The following RABGAP1 variants were observed in gnomAD, a reference collection of about 807,000 sequenced individuals.
RABGAP1 encodes RAB GTPase activating protein 1.
A neutral mutation model predicts 137.6 loss-of-function variants in RABGAP1; 23 were observed. The ratio of observed to expected loss-of-function variants is 0.17; its 90% CI spans 0.12 to 0.24. The LOEUF is 0.24. Ranked by LOEUF, RABGAP1 falls within the 10% of genes least tolerant of loss-of-function variation. The pLI, the probability that RABGAP1 is intolerant of heterozygous loss-of-function variation, is 1.00. For missense variants in RABGAP1, 906 were observed against 1,275.8 expected, an observed-to-expected ratio of 0.71 and a Z score of 4.42; for synonymous variants, 451 against 450.7, an observed-to-expected ratio of 1.00 and a Z score of -0.01.
intron 10 of RABGAP1, among the ~76,000 whole-genome samples, chr9:122,999,678 C>G (rs540024251): frequency 2.0e-5 from 3 of 151,240 alleles, no homozygotes; most frequent in South Asian, 2.1e-4. Flanking sequence ...GGGGTTCTTG[C>G]GTTTTTAAAT....
rs749803732 is a variant in RABGAP1, at chr9:122,984,498, G to C, written c.164G>C (p.Gly55Ala). Reference protein sequence around the residue: ...EKTGLKIVGNGSEQQLQKELA... With the variant: ...EKTGLKIVGNASEQQLQKELA... ...TGTGACCCTTAGATTGTAGGGAATG[G>C]AAGTGAACAGCAGCTGCAAAAAGAG... The change falls in exon 3 of 26, where the codon GGA becomes GCA. Residue 55 changes from glycine (G) to alanine (A), a missense_variant. This residue lies in a region of RABGAP1 where 331 missense variants were observed against 358.3 expected (regional missense o/e 0.92). Transcript: ENST00000373647. 1 of 1,613,850 alleles carries C rather than the reference G, an allele frequency of 6.2e-7. No homozygotes were observed. The highest frequency in any genetic ancestry group is 8.5e-7 in the Non-Finnish European group (1 of 1,179,882).
At chr9:122,965,041 C>A (rs914526269) in intron 2 of RABGAP1, among the ~76,000 whole-genome samples, 3 of 151,928 alleles carry the variant, frequency 2.0e-5, no homozygotes, top group Non-Finnish European at 2.9e-5. Context: ...ACAACAACAA[C>A]AAAAATGCAA....
intron 13 of RABGAP1, among the ~76,000 whole-genome samples, chr9:123,026,399 T>C (rs541205995): frequency 6.6e-6 from 1 of 152,314 alleles, no homozygotes; most frequent in African/African-American, 2.4e-5. Flanking sequence ...GTTACTGAAT[T>C]TTATCAGCTT....
chr9:122,995,566 A>ATTTTTTTT (rs34683455), intron 6 of RABGAP1, among the ~76,000 whole-genome samples: 2 of 118,468 alleles, frequency 1.7e-5, no homozygotes, highest in East Asian at 2.4e-4. Context: ...ATATCAAATG[A>ATTTTTTTT]TTTTTTTTTT....
rs772579315 is a variant in RABGAP1, at chr9:122,984,608, G to A, written c.274G>A (p.Gly92Arg). 17 of 1,614,184 alleles carry A rather than the reference G, an allele frequency of 1.1e-5. No homozygotes were observed. The East Asian group carries it at 3.8e-4, about 36-fold the overall frequency. Residue 92 changes from glycine (G) to arginine (R), a missense_variant, in exon 3 of 26, where the codon GGA (glycine) becomes AGA (arginine). Transcript: ENST00000373647. ...GAAAAGGTCACAACTGGATGGTGAA[G>A]GAGATGGGCCTCTTTCTAATCAGCT... ...LVKRSQLDGE[G>R]DGPLSNQLSA...
At chr9:123,077,772 C>T (rs2034569025) in intron 19 of RABGAP1, among the ~76,000 whole-genome samples, 1 of 151,894 alleles carries the variant, frequency 6.6e-6, no homozygotes, top group Non-Finnish European at 1.5e-5. Context: ...AGTCACAGCT[C>T]ACTGTAGCCT....
intron 3 of RABGAP1, 89 bp downstream of exon 3, chr9:122,984,808 G>GC: frequency 1.7e-6 from 2 of 1,203,724 alleles, no homozygotes. Flanking sequence ...TTTAGAACAG[G>GC]CAAAACCATT....
intron 21 of RABGAP1, 125 bp downstream of exon 21, chr9:123,090,510 ACTTG>A (rs909192900): frequency 1.4e-6 from 1 of 718,462 alleles, no homozygotes; most frequent in Non-Finnish European, 2.2e-6. Context: ...TTGTGATACA[ACTTG>A]CTTGTCAGTG....
chr9:122,984,236 T>C (rs1415608734), intron 2 of RABGAP1, among the ~76,000 whole-genome samples: 2 of 152,246 alleles, frequency 1.3e-5, no homozygotes, highest in South Asian at 4.1e-4. Context: ...TGGCAGGCTA[T>C]CGCATATATT....
chr9:123,024,460 G>A (rs545273374), intron 13 of RABGAP1, among the ~76,000 whole-genome samples: 250 of 148,648 alleles, frequency 1.7e-3, no homozygotes, highest in African/African-American at 5.5e-3. Flanking sequence ...TTTTGAGACA[G>A]AGTCTTGCTC....
chr9:123,033,530 G>C (rs1444061933), intron 13 of RABGAP1: 1 of 152,236 alleles, frequency 6.6e-6, no homozygotes, highest in African/African-American at 2.4e-5. Flanking sequence ...AAAGATGCCA[G>C]AGTGTGTGCA....
upstream of RABGAP1, chr9:122,940,436 T>C (rs1324940527): frequency 6.6e-6 from 1 of 152,208 alleles, no homozygotes; most frequent in Non-Finnish European, 1.5e-5. Context: ...TTTTGACTTC[T>C]AGACTGGATT....
intron 13 of RABGAP1, among the ~76,000 whole-genome samples, chr9:123,060,044 C>T (rs145426009): frequency 6.6e-6 from 1 of 152,274 alleles, no homozygotes; most frequent in East Asian, 1.9e-4. Context: ...TAGCTAGAAT[C>T]AGAAACAAGG....
At chr9:123,040,278 G>A (rs1334781776) in intron 13 of RABGAP1, among the ~76,000 whole-genome samples, 3 of 152,180 alleles carry the variant, frequency 2.0e-5, no homozygotes, top group Non-Finnish European at 4.4e-5. Flanking sequence ...TGATGCTGGT[G>A]TATAAAATCA....
chr9:123,012,643 A>C (rs2030902961), intron 11 of RABGAP1, among the ~76,000 whole-genome samples: 1 of 152,214 alleles, frequency 6.6e-6, no homozygotes, highest in African/African-American at 2.4e-5. Flanking sequence ...CCTTGGGGGA[A>C]ATCATGGAAC....
chr9:123,101,187 C>T (rs1299875471), intron 24 of RABGAP1, among the ~76,000 whole-genome samples: 3 of 152,122 alleles, frequency 2.0e-5, no homozygotes, highest in Non-Finnish European at 1.5e-5. Flanking sequence ...TGTGTACTTC[C>T]TTGTATAAAT....
At chr9:123,058,023 G>A (rs539586036) in intron 13 of RABGAP1, among the ~76,000 whole-genome samples, 5 of 145,302 alleles carry the variant, frequency 3.4e-5, no homozygotes, top group Admixed American at 6.8e-5. Context: ...GCCTCGGCTC[G>A]GCATCAGAGG....
chr9:122,941,234 G>A, intron 1 of RABGAP1, 141 bp downstream of exon 1: 1 of 152,440 alleles, frequency 6.6e-6, no homozygotes, highest in Non-Finnish European at 1.5e-5. Context: ...CAGCTCCCTC[G>A]ACGGGCCGAG....
chr9:122,948,428 A>G (rs1834054024), intron 1 of RABGAP1, among the ~76,000 whole-genome samples: 2 of 152,286 alleles, frequency 1.3e-5, no homozygotes, highest in African/African-American at 4.8e-5. Context: ...TAAGCGAGTT[A>G]CTCAGCCTGC....
Sources: allele counts gnomAD v4.1 joint callset (sites outside exome capture counted in the v4.1 genomes callset), GRCh38; gene constraint gnomAD v4.1.1; regional missense constraint gnomAD v4.1.1; transcripts MANE v1.5; gene names NCBI Gene and HGNC (gene_info 2026-07-23, HGNC 2026-07-21).